PCDHGA4: variants seen among roughly 807,000 people sequenced by gnomAD.
PCDHGA4 encodes protocadherin gamma subfamily A, 4, also known as protocadherin gamma-A4.
A neutral mutation model predicts 54.6 loss-of-function variants in PCDHGA4; 38 were observed. The observed-to-expected ratio is 0.70, with a 90% CI of 0.54 to 0.91. The LOEUF is 0.91. Ranked by LOEUF, PCDHGA4 falls within the 40% of genes least tolerant of loss-of-function variation. The pLI is 0.00. For synonymous variants in PCDHGA4, 511 were observed against 512.9 expected (o/e 1.00, Z 0.05); for missense variants, 1,298 against 1,220.9 (o/e 1.06, Z -0.94).
chr5:141,375,213 G>T (rs778646849), intron 1 of PCDHGA4: 1 of 1,613,926 alleles, frequency 6.2e-7, no homozygotes, highest in Admixed American at 1.7e-5. Context: ...CGAGACTCTG[G>T]CCTGAATGGC....
chr5:141,466,014 C>T (rs962233749), intron 1 of PCDHGA4, among the ~76,000 whole-genome samples: 75 of 151,848 alleles, frequency 4.9e-4, no homozygotes, highest in African/African-American at 1.2e-3. Flanking sequence ...CCCAGCTACT[C>T]GGGAGGGTGA....
chr5:141,363,552 C>T (rs1762968351), intron 1 of PCDHGA4, among the ~76,000 whole-genome samples: 1 of 152,190 alleles, frequency 6.6e-6, no homozygotes, highest in Admixed American at 6.5e-5. Context: ...AATATTTGAA[C>T]ATGGTAATAG....
In PCDHGA4 at chr5:141,374,712, T is replaced by C. The variant is rs745500934; in HGVS notation, c.2514+17091T>C. The stretch of plus-strand genomic sequence containing the variant: ...CGGGAAGGAGAAGCCGTTTACCGCC[T>C]GGTCCTTACTGCCATGGATGGCGGC... On this transcript the variant is annotated intron_variant, in intron 1 of 3. Transcript: ENST00000571252. The C allele has an allele frequency of 6.2e-7, 1 of 1,609,662 alleles. No individual in the cohort carries two copies. The highest frequency in any genetic ancestry group is 8.5e-7 in the Non-Finnish European group (1 of 1,177,766).
intron 1 of PCDHGA4, chr5:141,365,993 C>T (rs1267153888): frequency 6.2e-7 from 1 of 1,614,110 alleles, no homozygotes; most frequent in Non-Finnish European, 8.5e-7. Context: ...TGTGCTGGAC[C>T]AGAACGACAA....
At chr5:141,414,740 G>A (rs776833780) in intron 1 of PCDHGA4, 1 of 1,614,208 alleles carries the variant, frequency 6.2e-7, no homozygotes, top group South Asian at 1.1e-5. Flanking sequence ...TATGCACTCA[G>A]ATCCTTCGAC....
At position 141,431,994 on chromosome 5, in the gene PCDHGA4, G is replaced by C; in HGVS notation, c.2515-62813G>C. ...TTAGTCACAGACATAGTCTTGGATA[G>C]GGAACAGGTTCCTAGCTACAACATC... is the stretch of plus-strand genomic sequence containing the variant. On this transcript the variant is annotated intron_variant, in intron 1 of 3. Coordinates refer to ENST00000571252, the MANE Select transcript of PCDHGA4 (RefSeq NM_018917.4). The surrounding 1 kb of genome is among the most constrained non-coding windows in gnomAD (Gnocchi z 4.8). 1.9e-6 allele frequency: 3 copies of C among 1,614,188 alleles called. 1 individual carries two copies. The highest frequency in any genetic ancestry group is 2.2e-5 in the South Asian group (2 of 91,082).
chr5:141,465,836 A>G (rs974075792), intron 1 of PCDHGA4, among the ~76,000 whole-genome samples: 1 of 151,774 alleles, frequency 6.6e-6, no homozygotes, highest in East Asian at 1.9e-4. Context: ...TAAAATTTCA[A>G]CTGAGGCTGG....
At chr5:141,384,755 T>C (rs1780456507) in intron 1 of PCDHGA4, 1 of 1,613,938 alleles carries the variant, frequency 6.2e-7, no homozygotes, top group South Asian at 1.1e-5. Flanking sequence ...CTCTTTGCGG[T>C]TGGGCTGTAC....
intron 1 of PCDHGA4, chr5:141,478,841 A>G (rs1335486924): frequency 1.4e-5 from 19 of 1,405,590 alleles, no homozygotes; most frequent in Non-Finnish European, 1.8e-5. Flanking sequence ...GGGATGGTTA[A>G]GCTAAAACAC....
chr5:141,471,879 G>A (rs1027572395), intron 1 of PCDHGA4, among the ~76,000 whole-genome samples: 7 of 152,218 alleles, frequency 4.6e-5, no homozygotes, highest in African/African-American at 1.7e-4. Context: ...GCCTGAGGCT[G>A]AAGCTAGGAA....
intron 1 of PCDHGA4, chr5:141,392,144 A>G (rs1172213450): frequency 6.6e-6 from 1 of 152,224 alleles, no homozygotes; most frequent in Admixed American, 6.5e-5. Flanking sequence ...AGTAGTTTAA[A>G]CCAAATAAAA....
Position 141,476,656 on chromosome 5 carries a change from T to G in PCDHGA4, c.2515-18151T>G, listed in dbSNP as rs190269177. On this transcript the variant is annotated intron_variant, in intron 1 of 3. Transcript: ENST00000571252. The surrounding 1 kb of genome is among the most constrained non-coding windows in gnomAD (Gnocchi z 7.6). ...ATGAGCTGAGCCGAAATGAATACTTTGCGCTTCGCGTGCAGACGCGGGAGG... is the reference window on the plus strand; with the variant it reads ...ATGAGCTGAGCCGAAATGAATACTTGGCGCTTCGCGTGCAGACGCGGGAGG... The G allele has an allele frequency of 1.2e-6, 2 of 1,614,210 alleles. No individual in the cohort carries two copies. The highest frequency in any genetic ancestry group is 1.7e-6 in the Non-Finnish European group (2 of 1,180,044).
intron 1 of PCDHGA4, chr5:141,366,035 A>G (rs1376798925): frequency 1.2e-6 from 2 of 1,614,210 alleles, no homozygotes; most frequent in Admixed American, 1.7e-5. Flanking sequence ...CGCCCTCCCC[A>G]CAGACGGTTC....
intron 1 of PCDHGA4, chr5:141,365,210 C>A: frequency 1.2e-6 from 2 of 1,613,928 alleles, no homozygotes; most frequent in Non-Finnish European, 1.7e-6. Flanking sequence ...GACTTTCCAA[C>A]TTGATTCCAA....
chr5:141,491,503 G>C lies in PCDHGA4; in HGVS notation c.2515-3304G>C. On this transcript the variant is annotated intron_variant, in intron 1 of 3. Coordinates refer to ENST00000571252, the MANE Select transcript of PCDHGA4 (RefSeq NM_018917.4). The surrounding 1 kb of genome is among the most constrained non-coding windows in gnomAD (Gnocchi z 6.9). ...CCCCAACCTGCAGGTGAGCTCGGACGGCACGCTCAAGTACATGGAGGTGAC... is the reference window on the plus strand; with the variant it reads ...CCCCAACCTGCAGGTGAGCTCGGACCGCACGCTCAAGTACATGGAGGTGAC... The C allele has an allele frequency of 6.2e-7, 1 of 1,614,030 alleles. No homozygotes were observed.
intron 1 of PCDHGA4, chr5:141,374,303 C>A: frequency 6.2e-7 from 1 of 1,613,938 alleles, no homozygotes; most frequent in Non-Finnish European, 8.5e-7. Context: ...TAGGATGCAG[C>A]TTTTCTCTCT....
At chr5:141,426,033 C>G (rs978171140) in intron 1 of PCDHGA4, among the ~76,000 whole-genome samples, 14 of 152,162 alleles carry the variant, frequency 9.2e-5, no homozygotes, top group African/African-American at 3.1e-4. Context: ...AGACTCAGAG[C>G]CCTGCTGTTG....
intron 1 of PCDHGA4, chr5:141,370,600 T>C: frequency 6.2e-7 from 1 of 1,613,984 alleles, no homozygotes; most frequent in East Asian, 2.2e-5. Flanking sequence ...CTGCGGGTTA[T>C]TGCAGAGAAG....
In PCDHGA4 at chr5:141,409,393, T is replaced by C. The variant is rs539937433; in HGVS notation, c.2514+51772T>C. 4.8e-5 allele frequency: 77 copies of C among 1,614,062 alleles called. 1 individual carries two copies. In the East Asian group the frequency reaches 1.7e-3, roughly 35 times the overall value. On this transcript the variant is annotated intron_variant, in intron 1 of 3. Coordinates refer to ENST00000571252, the MANE Select transcript of PCDHGA4 (RefSeq NM_018917.4). ...ACATTCCATTCAAGATTTATTCTTC[T>C]TCCAATAACTACTACAAACTGGTGA...
Sources: allele counts gnomAD v4.1 joint callset (sites outside exome capture counted in the v4.1 genomes callset), GRCh38; gene constraint gnomAD v4.1.1; non-coding constraint Gnocchi (gnomAD v3.1); transcripts MANE v1.5; gene names NCBI Gene and HGNC (gene_info 2026-07-23, HGNC 2026-07-21).